Variants in SPAG16 observed in about 807,000 individuals in gnomAD.
SPAG16 encodes the protein sperm associated antigen 16, also known as sperm-associated antigen 16 protein.
In SPAG16, 86 loss-of-function variants were observed where a neutral mutation model predicts 80.4. The ratio of observed to expected loss-of-function variants is 1.07; its 90% CI spans 0.90 to 1.28. The LOEUF (loss-of-function observed/expected upper bound fraction) is 1.28. Among genes scored for constraint, SPAG16 ranks in the 50% most tolerant of loss-of-function variants. The pLI, the probability that SPAG16 is intolerant of heterozygous loss-of-function variation, is 0.00. For missense variants in SPAG16, 870 were observed against 765.3 expected (o/e 1.14, Z -1.61); for synonymous variants, 294 against 265.9 (o/e 1.11, Z -1.03).
chr2:213,305,705 A>T (rs980220465), intron 3 of SPAG16, among the ~76,000 whole-genome samples: 15 of 152,152 alleles, frequency 9.9e-5, no homozygotes, highest in African/African-American at 3.4e-4. Context: ...CCAAGGATGA[A>T]TCCCACTTGG....
At chr2:213,387,716 AG>A (rs1421411123) in intron 9 of SPAG16, among the ~76,000 whole-genome samples, 3 of 151,514 alleles carry the variant, frequency 2.0e-5, no homozygotes, top group South Asian at 4.2e-4. Context: ...GGCCTCCCAA[AG>A]TGCTGGGATT....
At chr2:213,752,043 TCC>T (rs1227051154) in intron 10 of SPAG16, among the ~76,000 whole-genome samples, 1 of 152,198 alleles carries the variant, frequency 6.6e-6, no homozygotes, top group Non-Finnish European at 1.5e-5. Context: ...GCCCCACTAC[TCC>T]CACTCCAAAT....
At chr2:214,042,449 AACAAC>A (rs2049088659) in intron 13 of SPAG16, among the ~76,000 whole-genome samples, 1 of 151,940 alleles carries the variant, frequency 6.6e-6, no homozygotes, top group Admixed American at 6.6e-5. Flanking sequence ...CAACAACAAC[AACAAC>A]AACAACAACA....
intron 5 of SPAG16, among the ~76,000 whole-genome samples, chr2:213,333,840 C>G (rs2064218600): frequency 6.6e-6 from 1 of 151,956 alleles, no homozygotes; most frequent in African/African-American, 2.4e-5. Flanking sequence ...TCATCATGTG[C>G]AAAAATCAAA....
intron 15 of SPAG16, among the ~76,000 whole-genome samples, chr2:214,339,275 G>A (rs1288186513): frequency 6.6e-6 from 1 of 152,102 alleles, no homozygotes; most frequent in East Asian, 1.9e-4. Context: ...AAACTGAAAA[G>A]ACAAGTCCAC....
intron 10 of SPAG16, among the ~76,000 whole-genome samples, chr2:213,790,439 C>A (rs1381515337): frequency 6.6e-6 from 1 of 151,882 alleles, no homozygotes; most frequent in East Asian, 1.9e-4. Context: ...ACCGTTATAA[C>A]CAAAAGCATA....
At chr2:213,566,842 T>C (rs949983559) in intron 10 of SPAG16, among the ~76,000 whole-genome samples, 2 of 152,206 alleles carry the variant, frequency 1.3e-5, no homozygotes, top group South Asian at 2.1e-4. Flanking sequence ...TATATTGATA[T>C]AGTTAATGGT....
intron 15 of SPAG16, among the ~76,000 whole-genome samples, chr2:214,307,473 G>A (rs994386514): frequency 6.6e-6 from 1 of 151,732 alleles, no homozygotes; most frequent in East Asian, 1.9e-4. Context: ...TCTTGTAGTT[G>A]TGATGTCAGG....
intron 10 of SPAG16, among the ~76,000 whole-genome samples, chr2:213,736,249 T>A (rs1390907461): frequency 6.6e-6 from 1 of 152,152 alleles, no homozygotes; most frequent in Admixed American, 6.5e-5. Context: ...ATAAAGATAA[T>A]GATGATGACA....
intron 9 of SPAG16, among the ~76,000 whole-genome samples, chr2:213,439,541 C>G (rs2070819593): frequency 6.6e-6 from 1 of 152,134 alleles, no homozygotes; most frequent in Non-Finnish European, 1.5e-5. Context: ...AATGATGAAC[C>G]TGGATGAAAG....
intron 10 of SPAG16, among the ~76,000 whole-genome samples, chr2:213,741,187 A>G (rs2067535007): frequency 6.6e-6 from 1 of 152,238 alleles, no homozygotes; most frequent in African/African-American, 2.4e-5. Context: ...AAATCTGAAT[A>G]AAATAAAAAA....
chr2:214,238,005 CA>C (rs1689193661), intron 15 of SPAG16: 1 of 254,638 alleles, frequency 3.9e-6, no homozygotes, highest in Admixed American at 5.4e-5. Context: ...AATTCTAAAA[CA>C]AACATTTGAA....
intron 9 of SPAG16, among the ~76,000 whole-genome samples, chr2:213,380,451 T>C (rs2067113018): frequency 1.3e-5 from 2 of 152,166 alleles, no homozygotes; most frequent in South Asian, 4.1e-4. Flanking sequence ...CCATGGACAT[T>C]TGAGCCACTT....
intron 9 of SPAG16, chr2:213,422,183 C>A: frequency 1.4e-6 from 1 of 701,000 alleles, no homozygotes; most frequent in Middle Eastern, 3.5e-4. Context: ...GGAGCCCAGA[C>A]CTAGAAGCTC....
chr2:214,055,965 G>C (rs2049917969), intron 13 of SPAG16, among the ~76,000 whole-genome samples: 1 of 152,108 alleles, frequency 6.6e-6, no homozygotes, highest in Admixed American at 6.6e-5. Flanking sequence ...GCTTTGTTTA[G>C]TTGGAGTGGA....
intron 14 of SPAG16, among the ~76,000 whole-genome samples, chr2:214,110,214 T>C (rs902157574): frequency 6.6e-6 from 1 of 152,154 alleles, no homozygotes; most frequent in African/African-American, 2.4e-5. Flanking sequence ...TAGGTATACA[T>C]GTGCCATGTT....
At chr2:214,050,397 C>T (rs2125130023) in intron 13 of SPAG16, among the ~76,000 whole-genome samples, 1 of 152,052 alleles carries the variant, frequency 6.6e-6, no homozygotes, top group Non-Finnish European at 1.5e-5. Flanking sequence ...CTTTGAGAAA[C>T]ATTCATCTGG....
chr2:213,521,726 AT>A (rs2075678866), intron 10 of SPAG16, among the ~76,000 whole-genome samples: 1 of 152,176 alleles, frequency 6.6e-6, no homozygotes, highest in Non-Finnish European at 1.5e-5. Flanking sequence ...AAATGTACTC[AT>A]TGTGGTCTGA....
intron 9 of SPAG16, among the ~76,000 whole-genome samples, chr2:213,392,468 T>G (rs1433886468): frequency 6.6e-6 from 1 of 152,218 alleles, no homozygotes; most frequent in Non-Finnish European, 1.5e-5. Context: ...GAATTTAGTT[T>G]TACATTTTTT....
Sources: allele counts gnomAD v4.1 joint callset (sites outside exome capture counted in the v4.1 genomes callset), GRCh38; gene constraint gnomAD v4.1.1; transcripts MANE v1.5; gene names NCBI Gene and HGNC (gene_info 2026-07-23, HGNC 2026-07-21).